Variants in SLC44A5 observed in about 807,000 individuals in gnomAD.
SLC44A5 encodes solute carrier family 44 member 5, also known as choline transporter-like protein 5.
Under a neutral mutation model 101.8 loss-of-function variants are expected in SLC44A5, and 57 were observed. The ratio of observed to expected loss-of-function variants is 0.56; its 90% CI spans 0.45 to 0.70. The LOEUF (loss-of-function observed/expected upper bound fraction) is 0.70, where lower values mean the gene tolerates loss of function less well. Among genes scored for constraint, SLC44A5 ranks in the 30% least tolerant of loss-of-function variants. The pLI, the probability that SLC44A5 is intolerant of heterozygous loss-of-function variation, is 0.00. For missense variants in SLC44A5, 737 were observed against 853.1 expected (o/e 0.86, Z 1.70); for synonymous variants, 281 against 290.9 (o/e 0.97, Z 0.35).
chr1:75,457,254 A>G (rs1292168424), intron 2 of SLC44A5, among the ~76,000 whole-genome samples: 1 of 152,220 alleles, frequency 6.6e-6, no homozygotes, highest in Non-Finnish European at 1.5e-5. Flanking sequence ...TGGGACAGTG[A>G]TAGACACCAG....
chr1:75,233,149 C>T (rs1383484340), intron 12 of SLC44A5, among the ~76,000 whole-genome samples: 1 of 151,998 alleles, frequency 6.6e-6, no homozygotes, highest in Non-Finnish European at 1.5e-5. Flanking sequence ...TCACATTATA[C>T]CTGATATGTA....
chr1:75,581,715 A>G (rs1171178276), intron 1 of SLC44A5, among the ~76,000 whole-genome samples: 1 of 152,168 alleles, frequency 6.6e-6, no homozygotes, highest in African/African-American at 2.4e-5. Context: ...TAGATCCTTC[A>G]TGAATGACTT....
intron 2 of SLC44A5, among the ~76,000 whole-genome samples, chr1:75,505,587 C>T (rs1669207103): frequency 6.6e-6 from 1 of 152,126 alleles, no homozygotes; most frequent in East Asian, 1.9e-4. Context: ...GTTTGATTTT[C>T]ATGCCTCTGA....
chr1:75,227,041 C>T (rs2100538325), intron 13 of SLC44A5, among the ~76,000 whole-genome samples: 1 of 152,024 alleles, frequency 6.6e-6, no homozygotes, highest in Middle Eastern at 3.4e-3. Context: ...CTTGTTTTTC[C>T]TTTTCCTTTT....
At chr1:75,562,455 T>C (rs1570619192) in intron 1 of SLC44A5, among the ~76,000 whole-genome samples, 1 of 152,246 alleles carries the variant, frequency 6.6e-6, no homozygotes, top group Middle Eastern at 3.4e-3. Context: ...CATACCACTT[T>C]GGGAGGCTGA....
rs900444911 is a variant in SLC44A5 at position 75,211,542 on chromosome 1, A to G, written c.1973T>C (p.Phe658Ser). The change falls in exon 23 of 24, where the codon TTT (phenylalanine) becomes TCT (serine). Residue 658 changes from phenylalanine to serine, a missense_variant. Phe to Ser is a radical substitution (Grantham distance 155). Coordinates refer to ENST00000370859, the MANE Select transcript of SLC44A5 (RefSeq NM_001130058.2). ...CCCATGTGCAATCAGGTAAGACCCAAAAATGACTGTCTGTAAATGGATGAA... is the reference window on the plus strand; with the variant it reads ...CCCATGTGCAATCAGGTAAGACCCAGAAATGACTGTCTGTAAATGGATGAA... Reference protein sequence around the residue: ...YYWVPLLTVIFGSYLIAHGFF... With the variant: ...YYWVPLLTVISGSYLIAHGFF... 2 of 1,611,510 alleles carry G rather than the reference A, an allele frequency of 1.2e-6. No homozygotes were observed. Among genetic ancestry groups the G allele is most frequent in the African/African-American group, 1.3e-5 (1 of 74,848 alleles).
At chr1:75,649,572 T>G in the SLC44A5 span, among the ~76,000 whole-genome samples, 1 of 152,134 alleles carries the variant, frequency 6.6e-6, no homozygotes. Flanking sequence ...CTAGGTCTAT[T>G]AAATAGACTA....
rs151203167 is a variant in SLC44A5 at position 75,561,571 on chromosome 1, A to G, written c.-69-20055T>C. ...TAGGTATTCAATAAACACTGAATGCATTTAACATTTAGGAAGCATTGGAAG... is the reference window on the plus strand; with the variant it reads ...TAGGTATTCAATAAACACTGAATGCGTTTAACATTTAGGAAGCATTGGAAG... On this transcript the variant is annotated intron_variant, in intron 1 of 23. Coordinates refer to ENST00000370859, the MANE Select transcript of SLC44A5 (RefSeq NM_001130058.2). Among the ~76,000 whole-genome samples, 1,367 of 152,302 alleles carry G rather than the reference A, an allele frequency of 9.0e-3. 13 individuals are homozygous for G. Among genetic ancestry groups the G allele is most frequent in the Non-Finnish European group, 0.015 (1,040 of 67,974 alleles).
chr1:75,614,121 G>A (rs1303345523), upstream of SLC44A5, among the ~76,000 whole-genome samples: 1 of 152,138 alleles, frequency 6.6e-6, no homozygotes, highest in African/African-American at 2.4e-5. Flanking sequence ...TTCACTCATC[G>A]TGCCATATGG....
chr1:75,214,494 T>C (rs1570370597), intron 20 of SLC44A5, 111 bp downstream of exon 20: 1 of 721,898 alleles, frequency 1.4e-6, no homozygotes, highest in Non-Finnish European at 2.2e-6. Flanking sequence ...AGTTAAAAGA[T>C]AATATTCATA....
the SLC44A5 span, among the ~76,000 whole-genome samples, chr1:75,680,946 C>A: frequency 2.0e-5 from 3 of 150,106 alleles, no homozygotes; most frequent in South Asian, 4.2e-4. Flanking sequence ...ACCGAACCCA[C>A]AGAAATACAA....
At position 75,281,721 on chromosome 1, in the gene SLC44A5, G is replaced by T. The variant is rs919782068; in HGVS notation, c.176-6679C>A. ...CTAGCTGTGGCTGAAAGGGGCCAGGGTATAGCTCAGCCCATTGCTTCATAG... is the reference window on the plus strand; with the variant it reads ...CTAGCTGTGGCTGAAAGGGGCCAGGTTATAGCTCAGCCCATTGCTTCATAG... On this transcript the variant is annotated intron_variant, in intron 5 of 23. Coordinates refer to ENST00000370859, the MANE Select transcript of SLC44A5 (RefSeq NM_001130058.2). 2.7e-5 allele frequency among the ~76,000 whole-genome samples: 4 copies of T among 148,886 alleles called. No individual in the cohort carries two copies. The South Asian group carries it at 6.5e-4, about 24-fold the overall frequency.
At chr1:75,572,766 T>C (rs1317371359) in intron 1 of SLC44A5, among the ~76,000 whole-genome samples, 1 of 151,988 alleles carries the variant, frequency 6.6e-6, no homozygotes, top group Non-Finnish European at 1.5e-5. Flanking sequence ...TATGATCATA[T>C]GTGGAAAAAG....
chr1:75,356,943 G>A (rs1274482347), intron 3 of SLC44A5, among the ~76,000 whole-genome samples: 3 of 152,110 alleles, frequency 2.0e-5, no homozygotes, highest in South Asian at 2.1e-4. Context: ...GTGTGTAGTA[G>A]GCTATACCAT....
chr1:75,611,069 C>T lies in SLC44A5; in HGVS notation c.-99G>A. 4.1e-6 allele frequency: 4 copies of T among 985,322 alleles called. No homozygotes were observed. The highest frequency in any genetic ancestry group is 4.8e-6 in the Non-Finnish European group (4 of 829,898). The allele number at this position is 985,322 out of a possible 1,614,324, so 61.0% of individuals were successfully genotyped here. A position where few individuals can be genotyped will look rare whatever the true frequency, so the allele number is the denominator to read the frequency against. On this transcript the variant is annotated 5_prime_UTR_variant, in exon 1 of 24. The change abolishes an upstream ATG in the 5' untranslated region. Transcript: ENST00000370859. ...TACTCCATCATTTCTTCAATAACTCCATCAACACTGAACCTTCTAACTCTA... is the reference window on the plus strand; with the variant it reads ...TACTCCATCATTTCTTCAATAACTCTATCAACACTGAACCTTCTAACTCTA...
chr1:75,340,146 T>TA (rs2101032830), intron 3 of SLC44A5, among the ~76,000 whole-genome samples: 1 of 152,338 alleles, frequency 6.6e-6, no homozygotes, highest in South Asian at 2.1e-4. Flanking sequence ...TGTTCTATTA[T>TA]AAAAACATTT....
At chr1:75,440,498 G>T (rs538862651) in intron 2 of SLC44A5, among the ~76,000 whole-genome samples, 4 of 152,106 alleles carry the variant, frequency 2.6e-5, no homozygotes, top group African/African-American at 9.6e-5. Context: ...ACAAAGCTAG[G>T]GTAAAGGATA....
the SLC44A5 span, among the ~76,000 whole-genome samples, chr1:75,688,070 C>T: frequency 1.3e-5 from 2 of 152,142 alleles, no homozygotes; most frequent in African/African-American, 4.8e-5. Context: ...AGAGAGCAAA[C>T]CTTGTTTGCC....
intron 2 of SLC44A5, among the ~76,000 whole-genome samples, chr1:75,478,064 C>T (rs1667550676): frequency 6.6e-6 from 1 of 152,240 alleles, no homozygotes; most frequent in Admixed American, 6.5e-5. Flanking sequence ...CCGGCAGAAA[C>T]TCTACAAGCC....
Sources: gnomAD v4.1 joint callset for allele counts (sites outside exome capture counted in the v4.1 genomes callset) on GRCh38, gnomAD v4.1.1 for gene constraint, MANE v1.5 for transcripts, NCBI Gene and HGNC (gene_info 2026-07-23, HGNC 2026-07-21) for gene names.